Variants in STAG1 observed in about 807,000 individuals in gnomAD.
STAG1 encodes the protein cohesin subunit SA-1.
Under a neutral mutation model 170.9 loss-of-function variants are expected in STAG1, and 26 were observed. The observed-to-expected ratio is 0.15, with a 90% CI of 0.11 to 0.21. The LOEUF is 0.21. STAG1 is among the 10% of genes least tolerant of loss of function. The probability of loss-of-function intolerance (pLI) is 1.00; values close to 1 mark genes in which losing one functional copy is unlikely to be tolerated. For missense variants in STAG1, 964 were observed against 1,509.5 expected (o/e 0.64, Z 5.99); for synonymous variants, 514 against 497.7 (o/e 1.03, Z -0.44).
chr3:136,337,623 T>TATCC lies in STAG1; in HGVS notation c.*627_*630dup, dbSNP rs1266193270. ...AGAGTATATAAAATCTGGGAATTCA[T>TATCC]ATCCATATCCACAGAGGGTGTGTGG... On this transcript the variant is annotated 3_prime_UTR_variant, in exon 34 of 34. Transcript: ENST00000383202. The TATCC allele has an allele frequency of 6.6e-6, 1 of 152,668 alleles. No homozygotes were observed. The highest frequency in any genetic ancestry group is 2.4e-5 in the African/African-American group (1 of 41,462). 9.5% of individuals were successfully genotyped at this position (152,668 alleles called of 1,614,324 possible). A position where few individuals can be genotyped will look rare whatever the true frequency, so the allele number is the denominator to read the frequency against.
At chr3:136,722,752 G>C (rs1165617974) in intron 1 of STAG1, among the ~76,000 whole-genome samples, 1 of 151,514 alleles carries the variant, frequency 6.6e-6, no homozygotes. Flanking sequence ...GCCGAAGCTG[G>C]ACTGTACTGC....
chr3:136,407,032 C>CT (rs879730458), intron 21 of STAG1, among the ~76,000 whole-genome samples: 2,096 of 147,600 alleles, frequency 0.014, 28 homozygotes, highest in Admixed American at 0.03. Context: ...TTTGCAATCT[C>CT]TTTTTTTTTT....
intron 1 of STAG1, among the ~76,000 whole-genome samples, chr3:136,751,751 G>C (rs1935256068): frequency 6.6e-6 from 1 of 151,734 alleles, no homozygotes; most frequent in Non-Finnish European, 1.5e-5. Context: ...GAAGGCATTC[G>C]CGCCAGCCCG....
intron 6 of STAG1, among the ~76,000 whole-genome samples, chr3:136,526,212 A>G (rs183082413): frequency 6.6e-6 from 1 of 152,080 alleles, no homozygotes; most frequent in Non-Finnish European, 1.5e-5. Context: ...AGCCTCTCAT[A>G]ATTATTGTGT....
At chr3:136,371,129 A>T (rs1017421802) in intron 23 of STAG1, among the ~76,000 whole-genome samples, 12 of 151,948 alleles carry the variant, frequency 7.9e-5, no homozygotes, top group Non-Finnish European at 1.6e-4. Flanking sequence ...GCATTTTTTC[A>T]TGTGTTTTTT....
intron 5 of STAG1, among the ~76,000 whole-genome samples, chr3:136,565,339 CAT>C (rs1163329901): frequency 6.6e-6 from 1 of 152,118 alleles, no homozygotes; most frequent in Non-Finnish European, 1.5e-5. Context: ...CAAAAAGACA[CAT>C]AATCTAATTT....
intron 1 of STAG1, among the ~76,000 whole-genome samples, chr3:136,648,170 C>CA (rs1225448288): frequency 6.6e-6 from 1 of 151,952 alleles, no homozygotes; most frequent in African/African-American, 2.4e-5. Context: ...TTTCCATTAA[C>CA]AAAAAGATAA....
At chr3:136,581,897 C>G (rs1273152942) in intron 4 of STAG1, among the ~76,000 whole-genome samples, 1 of 152,042 alleles carries the variant, frequency 6.6e-6, no homozygotes, top group East Asian at 1.9e-4. Flanking sequence ...CTAAACCAAA[C>G]ACCAAACAAA....
chr3:136,411,664 A>G (rs2087627405), intron 21 of STAG1, among the ~76,000 whole-genome samples: 1 of 152,084 alleles, frequency 6.6e-6, no homozygotes, highest in African/African-American at 2.4e-5. Flanking sequence ...AATAATAATA[A>G]TAAAGGTCAG....
chr3:136,359,304 A>G lies in STAG1; in HGVS notation c.2788-8T>C, dbSNP rs1560056495. On this transcript the variant is annotated splice_region_variant and splice_polypyrimidine_tract_variant and intron_variant, in intron 26 of 33. Transcript: ENST00000383202. Reference sequence around the variant, plus strand: ...AACAAGTTCATTAAATAACTGATAGAAAGAAAAAAAGAAGAAAAAACCTAT... The same window carrying G: ...AACAAGTTCATTAAATAACTGATAGGAAGAAAAAAAGAAGAAAAAACCTAT... 6.5e-7 allele frequency: 1 copy of G among 1,546,072 alleles called. No homozygotes were observed. Among genetic ancestry groups the G allele is most frequent in the Middle Eastern group, 1.7e-4 (1 of 5,730 alleles).
intron 22 of STAG1, among the ~76,000 whole-genome samples, chr3:136,382,942 C>T (rs1222683154): frequency 2.0e-5 from 3 of 152,016 alleles, no homozygotes; most frequent in Admixed American, 1.3e-4. Flanking sequence ...TATAGTAAAT[C>T]CTTTGAACAG....
intron 1 of STAG1, among the ~76,000 whole-genome samples, chr3:136,745,835 A>T (rs1934909006): frequency 6.6e-6 from 1 of 152,148 alleles, no homozygotes; most frequent in Non-Finnish European, 1.5e-5. Flanking sequence ...GGTAAAAAAC[A>T]AACAAACAAA....
chr3:136,688,234 C>T (rs536506847), intron 1 of STAG1, among the ~76,000 whole-genome samples: 8 of 152,106 alleles, frequency 5.3e-5, no homozygotes, highest in Admixed American at 3.3e-4. Context: ...TAGGGACTGG[C>T]GACAGGGAGC....
chr3:136,508,184 C>T (rs989367181), intron 7 of STAG1, among the ~76,000 whole-genome samples: 3 of 152,154 alleles, frequency 2.0e-5, no homozygotes, highest in Non-Finnish European at 4.4e-5. Context: ...TAGACTATCA[C>T]AGTCAATTAC....
chr3:136,544,124 A>G (rs1936035517), intron 5 of STAG1, among the ~76,000 whole-genome samples: 1 of 152,230 alleles, frequency 6.6e-6, no homozygotes, highest in African/African-American at 2.4e-5. Context: ...CAGGTCCAAC[A>G]GCACTAAACA....
rs67207510 is a variant in STAG1, at chr3:136,704,821, CAAAAAAAA to C, written c.-84+47366_-84+47373del. ...CTGGGTGAAGAGTGAGTCCCTGTCT[CAAAAAAAA>C]AAAAAAAAAAAAAAAAAGATAAAGA... is the stretch of plus-strand genomic sequence containing the variant. On this transcript the variant is annotated intron_variant, in intron 1 of 33. Coordinates refer to ENST00000383202, the MANE Select transcript of STAG1 (RefSeq NM_005862.3). Among the ~76,000 whole-genome samples, 96 of 51,448 alleles carry C rather than the reference CAAAAAAAA, an allele frequency of 1.9e-3. No homozygotes were observed. In the South Asian group the frequency reaches 0.026, roughly 14 times the overall value. The allele number at this position is 51,448 out of a possible 152,430, so 33.8% of individuals were successfully genotyped here. A position where few individuals can be genotyped will look rare whatever the true frequency, so the allele number is the denominator to read the frequency against.
chr3:136,433,856 T>C (rs1036329501), intron 15 of STAG1, among the ~76,000 whole-genome samples, 197 bp from the exon 16 acceptor site: 4 of 152,126 alleles, frequency 2.6e-5, no homozygotes, highest in Admixed American at 6.6e-5. Flanking sequence ...AGGAAAGAGA[T>C]ACAAAGTAAA....
At chr3:136,477,975 A>T (rs2089798188) in intron 9 of STAG1, among the ~76,000 whole-genome samples, 1 of 152,164 alleles carries the variant, frequency 6.6e-6, no homozygotes, top group South Asian at 2.1e-4. Context: ...TTTTTAGTAG[A>T]GATGGGGTTT....
At chr3:136,447,045 C>A (rs1008734323) in intron 14 of STAG1, among the ~76,000 whole-genome samples, 1 of 151,738 alleles carries the variant, frequency 6.6e-6, no homozygotes, top group Non-Finnish European at 1.5e-5. Flanking sequence ...CTCAGGTAAT[C>A]CACCCGCCTC....
Sources: allele counts gnomAD v4.1 joint callset (sites outside exome capture counted in the v4.1 genomes callset), GRCh38; gene constraint gnomAD v4.1.1; transcripts MANE v1.5; gene names NCBI Gene and HGNC (gene_info 2026-07-23, HGNC 2026-07-21).